RAB6A: variants seen among roughly 807,000 people sequenced by gnomAD.
RAB6A encodes RAB6A, member RAS oncogene family.
Under a neutral mutation model 32.3 loss-of-function variants are expected in RAB6A, and 8 were observed. That is an observed-to-expected ratio of 0.25 (90% CI 0.15 to 0.45). The LOEUF (loss-of-function observed/expected upper bound fraction) is 0.45. Ranked by LOEUF, RAB6A falls within the 20% of genes least tolerant of loss-of-function variation. The probability of loss-of-function intolerance (pLI) is 1.00; values close to 1 mark genes in which losing one functional copy is unlikely to be tolerated. For missense variants in RAB6A, 104 were observed against 249.4 expected (o/e 0.42, Z 3.93); for synonymous variants, 73 against 82.1 (o/e 0.89, Z 0.60).
intron 1 of RAB6A, among the ~76,000 whole-genome samples, chr11:73,733,185 T>C (rs750293357): frequency 6.6e-6 from 1 of 152,166 alleles, no homozygotes; most frequent in African/African-American, 2.4e-5. Context: ...CATTGATTTT[T>C]TTGTTGTTGT....
At chr11:73,683,869 AAAG>A (rs1945398020) in intron 6 of RAB6A, among the ~76,000 whole-genome samples, 1 of 152,162 alleles carries the variant, frequency 6.6e-6, no homozygotes, top group South Asian at 2.1e-4. Context: ...GCCAATTTTG[AAAG>A]AAGTTCTACT....
intron 1 of RAB6A, among the ~76,000 whole-genome samples, chr11:73,756,250 A>G (rs979054215): frequency 6.6e-6 from 1 of 152,010 alleles, no homozygotes; most frequent in African/African-American, 2.4e-5. Flanking sequence ...GCTACTTGGG[A>G]GGCTGAGGTG....
rs184618291 is a variant in RAB6A, at chr11:73,726,683, G to A, written c.129+4082C>T. Reference sequence around the variant, plus strand: ...AGAATCGCTTGAGCCTGGGGGGATGGAGGCTGCAGTGAGTCAAGATCACAC... The same window carrying A: ...AGAATCGCTTGAGCCTGGGGGGATGAAGGCTGCAGTGAGTCAAGATCACAC... On this transcript the variant is annotated intron_variant, in intron 2 of 7. Coordinates refer to ENST00000336083, the MANE Select transcript of RAB6A (RefSeq NM_198896.2). Among the ~76,000 whole-genome samples, 29 of 150,502 alleles carry A rather than the reference G, an allele frequency of 1.9e-4. No homozygotes were observed. The East Asian group carries it at 5.4e-3, about 28-fold the overall frequency.
At chr11:73,739,378 C>T (rs1424858666) in intron 1 of RAB6A, among the ~76,000 whole-genome samples, 1 of 142,670 alleles carries the variant, frequency 7.0e-6, no homozygotes, top group Non-Finnish European at 1.5e-5. Context: ...CACTATATTG[C>T]CCAGGTTGGT....
intron 1 of RAB6A, among the ~76,000 whole-genome samples, chr11:73,736,977 C>CAAAAAAAAAAAAAAAAAAAAAA (rs535172648): frequency 1.5e-5 from 1 of 64,954 alleles, no homozygotes. Context: ...GACACTGTCT[C>CAAAAAAAAAAAAAAAAAAAAAA]AAAAAAAAAA....
intron 2 of RAB6A, 130 bp from the exon 3 acceptor site, chr11:73,721,029 G>A (rs1946127052): frequency 2.9e-6 from 2 of 691,496 alleles, no homozygotes; most frequent in East Asian, 5.4e-5. Context: ...GTCAATTAAG[G>A]ACAATTAAGG....
intron 2 of RAB6A, chr11:73,722,331 A>T (rs1590862980): frequency 1.1e-3 from 52 of 46,658 alleles, no homozygotes; most frequent in African/African-American, 3.1e-3. Flanking sequence ...ATATATATAT[A>T]TATATATATA....
chr11:73,707,370 C>T, intron 6 of RAB6A, 50 bp downstream of exon 6: 1 of 1,351,504 alleles, frequency 7.4e-7, no homozygotes, highest in Non-Finnish European at 1.1e-6. Flanking sequence ...ATAGAATACT[C>T]ACACAATTAT....
intron 5 of RAB6A, among the ~76,000 whole-genome samples, chr11:73,712,076 T>C (rs1227488212): frequency 6.6e-6 from 1 of 152,202 alleles, no homozygotes; most frequent in African/African-American, 2.4e-5. Context: ...TTTATAATGT[T>C]TTAAGTAATC....
In RAB6A at chr11:73,677,751, TCTC is replaced by T; in HGVS notation, c.*144_*146del. 2 of 1,504,180 alleles carry T rather than the reference TCTC, an allele frequency of 1.3e-6. No homozygotes were observed. Among genetic ancestry groups the T allele is most frequent in the East Asian group, 4.6e-5 (2 of 43,596 alleles). The allele number at this position is 1,504,180 out of a possible 1,614,324, so 93.2% of individuals were successfully genotyped here. The stretch of plus-strand genomic sequence containing the variant: ...TTGTGCTTGTGAAGCTAATAGATCA[TCTC>T]CACGAGACAGGCAGCAATGATGAAT... On this transcript the variant is annotated 3_prime_UTR_variant, in exon 8 of 8. Coordinates refer to ENST00000336083, the MANE Select transcript of RAB6A (RefSeq NM_198896.2).
At chr11:73,738,046 T>C (rs1946430197) in intron 1 of RAB6A, among the ~76,000 whole-genome samples, 1 of 150,150 alleles carries the variant, frequency 6.7e-6, no homozygotes, top group African/African-American at 2.4e-5. Context: ...TAAAAACCAC[T>C]AAACTGTATA....
At chr11:73,754,734 T>C (rs964765511) in intron 1 of RAB6A, among the ~76,000 whole-genome samples, 37 of 152,038 alleles carry the variant, frequency 2.4e-4, no homozygotes, top group Admixed American at 2.4e-3. Context: ...GCCTGGCCAA[T>C]ATAGCAAAAC....
At chr11:73,685,641 G>A (rs534878988) in intron 6 of RAB6A, among the ~76,000 whole-genome samples, 1 of 140,828 alleles carries the variant, frequency 7.1e-6, no homozygotes, top group African/African-American at 2.8e-5. Flanking sequence ...GACTTTGGGA[G>A]GCCAAGACGG....
rs186838408 is a variant in RAB6A at position 73,741,978 on chromosome 11, T to G, written c.71-11155A>C. ...ATGTGATTTAAAAAGAAAAACAAAA[T>G]TAAAAAAGAAAAAATAAAATAGGCT... On this transcript the variant is annotated intron_variant, in intron 1 of 7. Transcript: ENST00000336083. Among the ~76,000 whole-genome samples, 5 of 151,950 alleles carry G rather than the reference T, an allele frequency of 3.3e-5. No homozygotes were observed. In the East Asian group the frequency reaches 9.7e-4, roughly 29 times the overall value.
chr11:73,714,209 A>AATATATATATATATATATAT (rs1555059763), intron 5 of RAB6A, among the ~76,000 whole-genome samples: 7 of 57,572 alleles, frequency 1.2e-4, no homozygotes, highest in African/African-American at 3.7e-4. Context: ...AAAAAAAAAA[A>AATATATATATATATATATAT]ATATATATAT....
intron 1 of RAB6A, among the ~76,000 whole-genome samples, chr11:73,746,770 TA>T (rs56703610): frequency 0.14 from 18,377 of 135,058 alleles, 1,148 homozygotes; most frequent in Admixed American, 0.17. Flanking sequence ...CGAAATAAAT[TA>T]AAAAAAAAAA....
intron 5 of RAB6A, among the ~76,000 whole-genome samples, chr11:73,712,357 C>CA (rs368646343): frequency 2.8e-5 from 4 of 144,722 alleles, no homozygotes; most frequent in East Asian, 2.0e-4. Flanking sequence ...CCTAGCTTTT[C>CA]CTTTTTTTTT....
intron 6 of RAB6A, among the ~76,000 whole-genome samples, chr11:73,685,534 G>A (rs1362099130): frequency 1.4e-5 from 2 of 146,798 alleles, no homozygotes; most frequent in Non-Finnish European, 3.0e-5. Flanking sequence ...TGATCCGCCT[G>A]CCTCAGCCTC....
intron 1 of RAB6A, among the ~76,000 whole-genome samples, chr11:73,733,953 C>A (rs1565371389): frequency 1.3e-5 from 2 of 152,082 alleles, no homozygotes. Flanking sequence ...AAAATAAAAT[C>A]TTTTTCTCAA....
Sources: allele counts gnomAD v4.1 joint callset (sites outside exome capture counted in the v4.1 genomes callset), GRCh38; gene constraint gnomAD v4.1.1; transcripts MANE v1.5; gene names NCBI Gene and HGNC (gene_info 2026-07-23, HGNC 2026-07-21).